Variants in FSTL4 observed in about 807,000 individuals in gnomAD.
FSTL4 encodes follistatin-related protein 4.
In FSTL4, 28 loss-of-function variants were observed where a neutral mutation model predicts 78.2. The ratio of observed to expected loss-of-function variants is 0.36; its 90% CI spans 0.27 to 0.49. FSTL4 has a LOEUF of 0.49. Among genes scored for constraint, FSTL4 ranks in the 20% least tolerant of loss-of-function variants. FSTL4 has a pLI of 0.98. For missense variants in FSTL4, 922 were observed against 1,084.9 expected (o/e 0.85, Z 2.11); for synonymous variants, 422 against 440.5 (o/e 0.96, Z 0.53).
the FSTL4 span, among the ~76,000 whole-genome samples, chr5:133,776,981 A>C: frequency 6.6e-6 from 1 of 152,044 alleles, no homozygotes; most frequent in Non-Finnish European, 1.5e-5. Flanking sequence ...TGGAGAGCCC[A>C]CCCCTAAGAT....
chr5:133,523,954 T>G (rs945690642), intron 3 of FSTL4, among the ~76,000 whole-genome samples: 4 of 152,166 alleles, frequency 2.6e-5, no homozygotes, highest in Non-Finnish European at 4.4e-5. Context: ...TAAAACAAAG[T>G]CACAGGTGGG....
At chr5:133,626,548 A>T in the FSTL4 span, among the ~76,000 whole-genome samples, 2 of 150,738 alleles carry the variant, frequency 1.3e-5, no homozygotes, top group Non-Finnish European at 2.9e-5. Context: ...TCCCTCTCAG[A>T]ACTGCTTTAT....
At chr5:133,633,988 T>C in the FSTL4 span, among the ~76,000 whole-genome samples, 2 of 152,172 alleles carry the variant, frequency 1.3e-5, no homozygotes. Context: ...TGGCTTCCAC[T>C]GACATCATGG....
chr5:133,674,660 G>A, the FSTL4 span, among the ~76,000 whole-genome samples: 2 of 151,910 alleles, frequency 1.3e-5, no homozygotes, highest in East Asian at 1.9e-4. Flanking sequence ...GCATGAGAGC[G>A]ACCTTTTTTG....
At chr5:133,622,695 CTTAT>C in the FSTL4 span, among the ~76,000 whole-genome samples, 2 of 152,022 alleles carry the variant, frequency 1.3e-5, no homozygotes, top group Non-Finnish European at 2.9e-5. Context: ...TTTTCATGTG[CTTAT>C]TTGTCATCTG....
the FSTL4 span, among the ~76,000 whole-genome samples, chr5:133,708,844 G>A: frequency 1.3e-5 from 2 of 152,160 alleles, no homozygotes; most frequent in African/African-American, 4.8e-5. Flanking sequence ...GAGAAACATA[G>A]CTGGCCTTAA....
intron 6 of FSTL4, among the ~76,000 whole-genome samples, chr5:133,306,599 C>G (rs752104834): frequency 1.2e-4 from 19 of 152,206 alleles, no homozygotes; most frequent in Admixed American, 3.9e-4. Flanking sequence ...ACCAAGGGCT[C>G]CAGCTGTGGG....
the FSTL4 span, among the ~76,000 whole-genome samples, chr5:133,646,009 A>G: frequency 6.6e-6 from 1 of 152,164 alleles, no homozygotes; most frequent in Non-Finnish European, 1.5e-5. Flanking sequence ...AGATGAATAT[A>G]CCAAGTACTG....
Position 133,382,946 on chromosome 5 carries a change from G to A in FSTL4, c.409+17792C>T, listed in dbSNP as rs372359021. ...AGAGAGACAGGGAGAGAGAGAGAAG[G>A]GGGGTGGGAGAAGGAGGAACAGAGC... On this transcript the variant is annotated intron_variant, in intron 4 of 15. Coordinates refer to ENST00000265342, the MANE Select transcript of FSTL4 (RefSeq NM_015082.2). Among the ~76,000 whole-genome samples, 66 of 151,946 alleles carry A rather than the reference G, an allele frequency of 4.3e-4. 1 individual carries two copies. The highest frequency in any genetic ancestry group is 1.4e-3 in the African/African-American group (59 of 41,246).
chr5:133,684,147 T>C, the FSTL4 span, among the ~76,000 whole-genome samples: 2 of 152,228 alleles, frequency 1.3e-5, no homozygotes, highest in Admixed American at 6.5e-5. Flanking sequence ...AAAGGGATCA[T>C]TAAGCTCTGC....
intron 10 of FSTL4, among the ~76,000 whole-genome samples, chr5:133,224,589 C>T (rs754576897): frequency 5.3e-5 from 8 of 152,200 alleles, no homozygotes; most frequent in Non-Finnish European, 1.0e-4. Flanking sequence ...AAGATGACCA[C>T]GTGAAATACT....
At chr5:133,769,696 A>T in the FSTL4 span, among the ~76,000 whole-genome samples, 11 of 152,250 alleles carry the variant, frequency 7.2e-5, no homozygotes, top group East Asian at 2.1e-3. Context: ...TACATAAACT[A>T]ATTCTTTTTA....
intron 6 of FSTL4, among the ~76,000 whole-genome samples, chr5:133,282,494 C>T (rs1341017863): frequency 6.6e-6 from 1 of 152,160 alleles, no homozygotes; most frequent in African/African-American, 2.4e-5. Flanking sequence ...AATTGGAAAA[C>T]TCAAAATGCA....
intron 14 of FSTL4, among the ~76,000 whole-genome samples, chr5:133,204,279 C>G (rs6596112): frequency 0.34 from 50,860 of 151,700 alleles, 8,771 homozygotes; most frequent in Middle Eastern, 0.44. Flanking sequence ...GTGCTGAGGG[C>G]GGCTTTGGTG....
chr5:133,643,498 T>C, the FSTL4 span, among the ~76,000 whole-genome samples: 3 of 152,096 alleles, frequency 2.0e-5, no homozygotes, highest in Non-Finnish European at 4.4e-5. Flanking sequence ...TTCAGGCTGA[T>C]GTGTGGTTGG....
intron 2 of FSTL4, among the ~76,000 whole-genome samples, chr5:133,600,793 T>G (rs564207892): frequency 6.6e-6 from 1 of 152,330 alleles, no homozygotes; most frequent in East Asian, 1.9e-4. Flanking sequence ...ACTTTAAAAA[T>G]CTTAAGTCAA....
chr5:133,751,705 T>C, the FSTL4 span, among the ~76,000 whole-genome samples: 1 of 151,924 alleles, frequency 6.6e-6, no homozygotes, highest in South Asian at 2.1e-4. Flanking sequence ...TTATTGACTG[T>C]CTGAGAGGTG....
chr5:133,666,027 G>T, the FSTL4 span, among the ~76,000 whole-genome samples: 1 of 151,832 alleles, frequency 6.6e-6, no homozygotes, highest in Admixed American at 6.6e-5. Flanking sequence ...CCCGATTAAA[G>T]TCCCCTTCAG....
chr5:133,573,622 T>C (rs1760209082), intron 2 of FSTL4, among the ~76,000 whole-genome samples: 1 of 152,092 alleles, frequency 6.6e-6, no homozygotes, highest in Non-Finnish European at 1.5e-5. Flanking sequence ...CCCACAATAA[T>C]GGTTGGAAAA....
Sources: allele counts gnomAD v4.1 joint callset (sites outside exome capture counted in the v4.1 genomes callset), GRCh38; gene constraint gnomAD v4.1.1; transcripts MANE v1.5; gene names NCBI Gene and HGNC (gene_info 2026-07-23, HGNC 2026-07-21).